The following LRCH1 variants were observed in gnomAD, a reference collection of about 807,000 sequenced individuals.
The protein encoded by LRCH1 is leucine rich repeats and calponin homology domain containing 1.
A neutral mutation model predicts 94.9 loss-of-function variants in LRCH1; 23 were observed. The observed-to-expected ratio is 0.24, with a 90% confidence interval of 0.17 to 0.34. LRCH1 has a LOEUF of 0.34. Among genes scored for constraint, LRCH1 ranks in the 10% least tolerant of loss-of-function variants. LRCH1 has a pLI of 1.00. For synonymous variants in LRCH1, 364 were observed against 354.9 expected, an observed-to-expected ratio of 1.03 and a Z score of -0.29; for missense variants, 790 against 945.9, an observed-to-expected ratio of 0.84 and a Z score of 2.16.
chr13:46,697,775 G>A (rs1871271515), intron 9 of LRCH1, among the ~76,000 whole-genome samples: 1 of 152,166 alleles, frequency 6.6e-6, no homozygotes, highest in Non-Finnish European at 1.5e-5. Flanking sequence ...ACATGTTGGT[G>A]AATAGGCAAA....
chr13:46,744,091 T>A lies in LRCH1; in HGVS notation c.*2243T>A. The A allele has an allele frequency of 7.1e-6, 7 of 985,422 alleles. No individual in the cohort carries two copies. Among genetic ancestry groups the A allele is most frequent in the Non-Finnish European group, 8.4e-6 (7 of 829,926 alleles). 61.0% of individuals were successfully genotyped at this position (985,422 alleles called of 1,614,324 possible). ...TCTGTCCATTGCCAACCCATTAATTTCTAATCAGAATATTAAGCTTCTCTG... is the reference window on the plus strand; with the variant it reads ...TCTGTCCATTGCCAACCCATTAATTACTAATCAGAATATTAAGCTTCTCTG... On this transcript the variant is annotated 3_prime_UTR_variant, in exon 20 of 20. Transcript: ENST00000389797.
chr13:46,638,055 A>G (rs895263579), intron 1 of LRCH1, among the ~76,000 whole-genome samples: 4 of 152,252 alleles, frequency 2.6e-5, no homozygotes, highest in Non-Finnish European at 5.9e-5. Flanking sequence ...CATTGCTTCA[A>G]ACGATATCTT....
intron 9 of LRCH1, among the ~76,000 whole-genome samples, chr13:46,698,757 T>C (rs1266854866): frequency 6.6e-6 from 1 of 152,262 alleles, no homozygotes; most frequent in African/African-American, 2.4e-5. Context: ...TAACAGATGC[T>C]GTGGTCTTGG....
chr13:46,592,591 T>C (rs990254204), intron 1 of LRCH1, among the ~76,000 whole-genome samples: 2 of 152,244 alleles, frequency 1.3e-5, no homozygotes, highest in Non-Finnish European at 2.9e-5. Context: ...ATTTCTTATC[T>C]GTAAAATGAG....
intron 2 of LRCH1, among the ~76,000 whole-genome samples, chr13:46,654,445 T>G (rs1221280410): frequency 6.6e-6 from 1 of 152,206 alleles, no homozygotes; most frequent in Admixed American, 6.5e-5. Flanking sequence ...TTTTGACCTT[T>G]GGGGAGAGAC....
Position 46,744,512 on chromosome 13 carries a change from A to C in LRCH1, c.*2664A>C. 8.1e-6 allele frequency: 8 copies of C among 985,438 alleles called. No homozygotes were observed. Among genetic ancestry groups the C allele is most frequent in the Non-Finnish European group, 9.6e-6 (8 of 829,930 alleles). 61.0% of individuals were successfully genotyped at this position (985,438 alleles called of 1,614,324 possible). On this transcript the variant is annotated 3_prime_UTR_variant, in exon 20 of 20. Transcript: ENST00000389797. ...TTGTTATTTTTAGGGAGAGACACTT[A>C]TGAAATGGGGCTGGTGGAAAGGGGC...
At chr13:46,604,379 C>T (rs772311874) in intron 1 of LRCH1, among the ~76,000 whole-genome samples, 6 of 152,122 alleles carry the variant, frequency 3.9e-5, no homozygotes, top group Non-Finnish European at 8.8e-5. Context: ...GCCTTGCTCC[C>T]TGGGTCTGGG....
intron 3 of LRCH1, among the ~76,000 whole-genome samples, chr13:46,670,088 T>G (rs4245339): frequency 0.63 from 96,246 of 152,172 alleles, 30,978 homozygotes; most frequent in Middle Eastern, 0.72. Flanking sequence ...AGTCATGTCT[T>G]TAGTGGGATT....
rs371735777 is a variant in LRCH1 at position 46,553,389 on chromosome 13, G to A, written c.-8G>A. On this transcript the variant is annotated 5_prime_UTR_variant, in exon 1 of 20. Coordinates refer to ENST00000389797, the MANE Select transcript of LRCH1 (RefSeq NM_001164211.2). ...GCGGCGGGGCGGGGTGGGGGGGCCC[G>A]GGAGAAGATGGCGACGCCGGGAAGC... 2 of 1,527,840 alleles carry A rather than the reference G, an allele frequency of 1.3e-6. No homozygotes were observed. The highest frequency in any genetic ancestry group is 8.8e-7 in the Non-Finnish European group (1 of 1,140,706). The allele number at this position is 1,527,840 out of a possible 1,614,324, so 94.6% of individuals were successfully genotyped here.
At chr13:46,582,039 A>G (rs1304735797) in intron 1 of LRCH1, among the ~76,000 whole-genome samples, 1 of 151,660 alleles carries the variant, frequency 6.6e-6, no homozygotes. Context: ...AGTCCCAGCT[A>G]CTTGGGAGGC....
chr13:46,614,782 G>A (rs558766150), intron 1 of LRCH1, among the ~76,000 whole-genome samples: 3 of 152,284 alleles, frequency 2.0e-5, no homozygotes, highest in Non-Finnish European at 2.9e-5. Context: ...GAATAATGAC[G>A]TAAGAAGGAC....
chr13:46,670,027 G>A (rs4245338), intron 3 of LRCH1, among the ~76,000 whole-genome samples: 96,209 of 152,118 alleles, frequency 0.63, 30,966 homozygotes, highest in Middle Eastern at 0.72. Context: ...GCCACCCGGA[G>A]CACCACGGTG....
intron 1 of LRCH1, among the ~76,000 whole-genome samples, chr13:46,596,923 T>C (rs1479055228): frequency 6.6e-6 from 1 of 152,206 alleles, no homozygotes; most frequent in African/African-American, 2.4e-5. Flanking sequence ...CCCTTGAATT[T>C]TCAAGTGACC....
chr13:46,702,514 A>G (rs2138183031), intron 11 of LRCH1, among the ~76,000 whole-genome samples: 1 of 152,236 alleles, frequency 6.6e-6, no homozygotes, highest in South Asian at 2.1e-4. Context: ...AAAAATAATA[A>G]TAAAACAAAT....
chr13:46,598,697 G>A (rs777053417), intron 1 of LRCH1, among the ~76,000 whole-genome samples: 5 of 152,036 alleles, frequency 3.3e-5, no homozygotes, highest in African/African-American at 7.2e-5. Flanking sequence ...GAACTTCCGG[G>A]ATGGGCTTTC....
At chr13:46,587,039 T>C (rs555295217) in intron 1 of LRCH1, among the ~76,000 whole-genome samples, 1 of 152,298 alleles carries the variant, frequency 6.6e-6, no homozygotes, top group Admixed American at 6.5e-5. Context: ...TGCCGTGTGG[T>C]TTGCTAAGGA....
At chr13:46,638,794 A>G (rs1454501752) in intron 1 of LRCH1, among the ~76,000 whole-genome samples, 5 of 152,248 alleles carry the variant, frequency 3.3e-5, no homozygotes, top group Non-Finnish European at 5.9e-5. Context: ...AGGCTTTTTT[A>G]AATAGGAGAG....
chr13:46,734,398 A>T (rs548258905), intron 19 of LRCH1, among the ~76,000 whole-genome samples: 1 of 152,348 alleles, frequency 6.6e-6, no homozygotes, highest in South Asian at 2.1e-4. Flanking sequence ...CCTGCTGATT[A>T]TTGATTATCA....
intron 16 of LRCH1, among the ~76,000 whole-genome samples, chr13:46,719,447 G>A (rs546633697): frequency 3.9e-5 from 6 of 152,332 alleles, no homozygotes; most frequent in African/African-American, 1.4e-4. Context: ...AGAAAGTGGT[G>A]AGTGCCATGG....
Sources: allele counts gnomAD v4.1 joint callset (sites outside exome capture counted in the v4.1 genomes callset), GRCh38; gene constraint gnomAD v4.1.1; transcripts MANE v1.5; gene names NCBI Gene and HGNC (gene_info 2026-07-23, HGNC 2026-07-21).